Variants in C4orf51 observed in about 807,000 individuals in gnomAD.
C4orf51 encodes uncharacterized protein C4orf51.
Under a neutral mutation model 25.2 loss-of-function variants are expected in C4orf51, and 25 were observed. The observed-to-expected ratio is 0.99, with a 90% CI of 0.72 to 1.39. The LOEUF (loss-of-function observed/expected upper bound fraction) is 1.39, where lower values mean the gene tolerates loss of function less well. Among genes scored for constraint, C4orf51 ranks in the 40% most tolerant of loss-of-function variants. C4orf51 has a pLI of 0.00. For synonymous variants in C4orf51, 100 were observed against 84.5 expected, an observed-to-expected ratio of 1.18 and a Z score of -1.01; for missense variants, 252 against 239.6, an observed-to-expected ratio of 1.05 and a Z score of -0.34.
intron 1 of C4orf51, among the ~76,000 whole-genome samples, chr4:145,748,520 CTTATAG>C (rs899497573): frequency 1.3e-5 from 2 of 152,030 alleles, no homozygotes; most frequent in Non-Finnish European, 2.9e-5. Context: ...GATGCAGGCA[CTTATAG>C]TTATAAACTT....
chr4:145,741,309 A>AG (rs1290185981), intron 1 of C4orf51, among the ~76,000 whole-genome samples: 2 of 152,136 alleles, frequency 1.3e-5, no homozygotes, highest in Admixed American at 1.3e-4. Flanking sequence ...CAGAGGGGTG[A>AG]GGGGTAGGGC....
chr4:145,755,742 G>A (rs998053388), downstream of C4orf51, among the ~76,000 whole-genome samples: 2 of 152,190 alleles, frequency 1.3e-5, no homozygotes, highest in Admixed American at 6.5e-5. Flanking sequence ...GTTAATTGTA[G>A]TTATTCCCAA....
chr4:145,696,464 A>G lies in C4orf51; in HGVS notation c.234-95A>G, dbSNP rs966268184. ...CCCAAACCTAAAATGAAAGTTTTAA[A>G]AAAAGATGAATGGAAATCCCTGTAA... On this transcript the variant is annotated intron_variant, in intron 1 of 5. Coordinates refer to ENST00000438731, the MANE Select transcript of C4orf51 (RefSeq NM_001080531.3). The G allele has an allele frequency of 2.1e-5, 22 of 1,057,176 alleles. No individual in the cohort carries two copies. In the African/African-American group the frequency reaches 2.7e-4, roughly 13 times the overall value. 65.5% of individuals were successfully genotyped at this position (1,057,176 alleles called of 1,614,324 possible).
At chr4:145,712,438 A>C (rs1170013143) in intron 2 of C4orf51, among the ~76,000 whole-genome samples, 2 of 152,248 alleles carry the variant, frequency 1.3e-5, no homozygotes, top group Non-Finnish European at 2.9e-5. Flanking sequence ...AAACAGCCTT[A>C]TTGCTAATAT....
At chr4:145,743,167 C>T (rs1733190769) in intron 1 of C4orf51, among the ~76,000 whole-genome samples, 1 of 152,184 alleles carries the variant, frequency 6.6e-6, no homozygotes, top group African/African-American at 2.4e-5. Flanking sequence ...ACATTTGGAA[C>T]ATACCTCATC....
chr4:145,685,653 C>T (rs531972210), intron 1 of C4orf51, among the ~76,000 whole-genome samples: 25 of 152,260 alleles, frequency 1.6e-4, no homozygotes, highest in South Asian at 1.2e-3. Context: ...TTAACATAAC[C>T]GATTAGGTCA....
At chr4:145,720,148 A>G (rs960758714) in intron 2 of C4orf51, among the ~76,000 whole-genome samples, 47 of 152,170 alleles carry the variant, frequency 3.1e-4, no homozygotes, top group Middle Eastern at 3.4e-3. Flanking sequence ...GGCTTTTTCC[A>G]TGGGTCTTCT....
At chr4:145,785,222 C>G in the C4orf51 span, among the ~76,000 whole-genome samples, 1 of 152,120 alleles carries the variant, frequency 6.6e-6, no homozygotes, top group Admixed American at 6.5e-5. Context: ...GAACTGAGGC[C>G]TATCATCCAT....
At chr4:145,700,623 T>C (rs1012223633) in intron 2 of C4orf51, among the ~76,000 whole-genome samples, 1 of 152,194 alleles carries the variant, frequency 6.6e-6, no homozygotes. Flanking sequence ...CTGAGGTGCC[T>C]GACGTCCAGG....
intron 2 of C4orf51, among the ~76,000 whole-genome samples, chr4:145,714,341 CCTT>C (rs1731287842): frequency 6.6e-6 from 1 of 152,160 alleles, no homozygotes; most frequent in Admixed American, 6.5e-5. Context: ...CACATAATTA[CCTT>C]TTTTTATGGC....
At chr4:145,709,723 A>G (rs1278503595) in intron 2 of C4orf51, among the ~76,000 whole-genome samples, 4 of 152,230 alleles carry the variant, frequency 2.6e-5, no homozygotes, top group African/African-American at 9.6e-5. Flanking sequence ...AAAAAGCAGA[A>G]GAAACCCCAA....
the C4orf51 span, among the ~76,000 whole-genome samples, chr4:145,787,532 A>G: frequency 6.6e-6 from 1 of 151,518 alleles, no homozygotes; most frequent in African/African-American, 2.4e-5. Flanking sequence ...CTGGGTGGAG[A>G]TTCTTTTTAG....
chr4:145,782,874 C>T, the C4orf51 span, among the ~76,000 whole-genome samples: 1 of 152,206 alleles, frequency 6.6e-6, no homozygotes, highest in Non-Finnish European at 1.5e-5. Flanking sequence ...CCAAAAGCTA[C>T]TCCCCGCAAC....
chr4:145,760,829 G>C, intron 1 of C4orf51: 3 of 1,201,768 alleles, frequency 2.5e-6, no homozygotes, highest in Non-Finnish European at 3.2e-6. Context: ...AGGAAGGAGT[G>C]TTTGGGTGAG....
At chr4:145,712,834 C>T (rs1021903467) in intron 2 of C4orf51, among the ~76,000 whole-genome samples, 1 of 152,208 alleles carries the variant, frequency 6.6e-6, no homozygotes, top group South Asian at 2.1e-4. Flanking sequence ...CAAAGCTTGG[C>T]TTCAAAACTT....
chr4:145,775,343 T>C (rs965655202), downstream of C4orf51, among the ~76,000 whole-genome samples: 1 of 152,168 alleles, frequency 6.6e-6, no homozygotes, highest in Non-Finnish European at 1.5e-5. Flanking sequence ...AAAATCCACA[T>C]ACTAAAGTGT....
chr4:145,689,994 C>T (rs183050463), intron 1 of C4orf51, among the ~76,000 whole-genome samples: 81 of 149,696 alleles, frequency 5.4e-4, no homozygotes, highest in African/African-American at 1.9e-3. Flanking sequence ...TACCTGAGGT[C>T]AGGAGTTCAA....
chr4:145,686,927 G>A (rs931968839), intron 1 of C4orf51, among the ~76,000 whole-genome samples: 9 of 152,058 alleles, frequency 5.9e-5, no homozygotes. Context: ...CTTGCCACAT[G>A]GCAGCCTGAC....
At chr4:145,690,849 C>T (rs1729509252) in intron 1 of C4orf51, among the ~76,000 whole-genome samples, 1 of 151,906 alleles carries the variant, frequency 6.6e-6, no homozygotes, top group African/African-American at 2.4e-5. Flanking sequence ...GACTGTAATC[C>T]CAGTATTTTG....
Sources: allele counts gnomAD v4.1 joint callset (sites outside exome capture counted in the v4.1 genomes callset), GRCh38; gene constraint gnomAD v4.1.1; transcripts MANE v1.5; gene names NCBI Gene and HGNC (gene_info 2026-07-23, HGNC 2026-07-21).